ITIH6: variants seen among roughly 807,000 people sequenced by gnomAD.
The protein encoded by ITIH6 is inter-alpha-trypsin inhibitor heavy chain family member 6.
In ITIH6, 60 loss-of-function variants were observed where a neutral mutation model predicts 58.2. The ratio of observed to expected loss-of-function variants is 1.03; its 90% CI spans 0.84 to 1.28. ITIH6 has a LOEUF of 1.28. ITIH6 is among the 50% of genes most tolerant of loss of function. The probability of loss-of-function intolerance (pLI) is 0.00; values close to 1 mark genes in which losing one functional copy is unlikely to be tolerated. For synonymous variants in ITIH6, 493 were observed against 417.4 expected (o/e 1.18, Z -2.21); for missense variants, 1,290 against 1,021.1 (o/e 1.26, Z -3.59).
In ITIH6 at chrX:54,758,527, A is replaced by C. The variant is rs775275071; in HGVS notation, c.1547T>G (p.Leu516Arg). 7 of 1,211,162 alleles carry C rather than the reference A, an allele frequency of 5.8e-6. No individual in the cohort carries two copies. The highest frequency in any genetic ancestry group is 7.8e-6 in the Non-Finnish European group (7 of 895,268). The part of the protein sequence containing the change: ...AGQVQPGKQE[L>R]GIHLAARGPK... ...GCCACGGGCTGCCAGGTGGATGCCC[A>C]GTTCCTGTTTGCCTGGCTGCACCTG... The change falls in exon 8 of 13, where the codon CTG (leucine) becomes CGG (arginine). Residue 516 changes from leucine to arginine, a missense_variant. Physicochemically the swap from Leu to Arg is moderately radical, Grantham distance 102. Coordinates refer to ENST00000218436, the MANE Select transcript of ITIH6 (RefSeq NM_198510.3).
At chrX:54,755,772 G>A (rs769180950) in intron 8 of ITIH6, among the ~76,000 whole-genome samples, 74 of 110,853 alleles carry the variant, frequency 6.7e-4, no homozygotes, top group Non-Finnish European at 1.1e-3. Context: ...AGAGAGTGAG[G>A]TCATAGAGGA....
At chrX:54,752,389 T>C (rs1165563923) in intron 11 of ITIH6, among the ~76,000 whole-genome samples, 1 of 111,943 alleles carries the variant, frequency 8.9e-6, no homozygotes, top group Non-Finnish European at 1.9e-5. Context: ...ATTGGCATTT[T>C]ATGAAAAGTT....
In ITIH6 at chrX:54,753,878, G is replaced by T. The variant is rs767676994; in HGVS notation, c.3238+52C>A. The T allele has an allele frequency of 2.6e-6, 3 of 1,170,180 alleles. No individual in the cohort carries two copies. The South Asian group carries it at 5.4e-5, about 21-fold the overall frequency. On this transcript the variant is annotated intron_variant, in intron 10 of 12. Transcript: ENST00000218436. ...CTATTTCCCCAGCCCCAGTCCCAGT[G>T]CACAAGCTGCCCTGTACTCAAACAG...
chrX:54,780,481 T>C (rs779722191), intron 5 of ITIH6, among the ~76,000 whole-genome samples: 3 of 112,125 alleles, frequency 2.7e-5, no homozygotes, highest in Non-Finnish European at 5.6e-5. Flanking sequence ...GATGACAATG[T>C]AAAGACAACA....
Position 54,797,044 on chromosome X carries a change from T to A in ITIH6, c.155A>T (p.His52Leu). 4 of 1,210,196 alleles carry A rather than the reference T, an allele frequency of 3.3e-6. No individual in the cohort carries two copies. The highest frequency in any genetic ancestry group is 4.5e-6 in the Non-Finnish European group (4 of 894,314). ...AAACAGGACAGAGGTGACCAAGGTG[T>A]GGGCATAGCGAGACACCACCGTGGA... The part of the protein sequence containing the change: ...MRSTVVSRYA[H>L]TLVTSVLFNP... Residue 52 changes from histidine (H) to leucine (L), a missense_variant, in exon 2 of 13, where the codon CAC becomes CTC. By Grantham distance (99) the His-to-Leu change is moderately conservative. Coordinates refer to ENST00000218436, the MANE Select transcript of ITIH6 (RefSeq NM_198510.3).
chrX:54,757,075 A>G lies in ITIH6; in HGVS notation c.2999T>C (p.Leu1000Pro). 2.5e-6 allele frequency: 3 copies of G among 1,211,413 alleles called. No individual in the cohort carries two copies. Among genetic ancestry groups the G allele is most frequent in the Non-Finnish European group, 3.4e-6 (3 of 895,236 alleles). The change falls in exon 8 of 13, where the codon CTC becomes CCC. Residue 1000 changes from leucine to proline, a missense_variant. Physicochemically the swap from Leu to Pro is moderately conservative, Grantham distance 98 (BLOSUM62 -3). Transcript: ENST00000218436. The stretch of plus-strand genomic sequence containing the variant: ...CAGCTCTAGCTCCTCAGGGAGAAGG[A>G]GCAGACTGATGGCCTCAGGGAGGAT... ...SSILPEAISLLLLPEELELLS... is the reference protein window; with the variant it reads ...SSILPEAISLPLLPEELELLS...
At chrX:54,781,361 A>G (rs1437557883) in intron 5 of ITIH6, among the ~76,000 whole-genome samples, 1 of 112,299 alleles carries the variant, frequency 8.9e-6, no homozygotes, top group Non-Finnish European at 1.9e-5. Flanking sequence ...CAGCATCTAT[A>G]AGGAACTTAA....
intron 12 of ITIH6, 44 bp downstream of exon 12, chrX:54,750,959 G>A: frequency 1.8e-6 from 2 of 1,099,715 alleles, no homozygotes; most frequent in African/African-American, 3.7e-5. Context: ...GGTCTTTTTG[G>A]TGGCTGGTGC....
chrX:54,764,348 G>C (rs1177168203), intron 6 of ITIH6, among the ~76,000 whole-genome samples: 12 of 106,872 alleles, frequency 1.1e-4, no homozygotes, highest in African/African-American at 3.4e-4. Context: ...CATGCTGGTG[G>C]GCTGCACCCA....
At chrX:54,761,306 T>C (rs1478709200) in intron 6 of ITIH6, among the ~76,000 whole-genome samples, 3 of 112,175 alleles carry the variant, frequency 2.7e-5, no homozygotes, top group Non-Finnish European at 5.6e-5. Context: ...CTTGTAAATT[T>C]GTTTGAGTTC....
At chrX:54,775,015 A>C (rs1437406310) in intron 5 of ITIH6, among the ~76,000 whole-genome samples, 1 of 111,879 alleles carries the variant, frequency 8.9e-6, no homozygotes, top group Non-Finnish European at 1.9e-5. Context: ...CTCTCTGACC[A>C]TTAGGCTGTA....
At chrX:54,779,767 AT>A (rs764983152) in intron 5 of ITIH6, among the ~76,000 whole-genome samples, 1 of 111,147 alleles carries the variant, frequency 9.0e-6, no homozygotes, top group Non-Finnish European at 1.9e-5. Context: ...ATTAAAAAAA[AT>A]AAGACCCACT....
chrX:54,759,564 C>T (rs1042624222), intron 7 of ITIH6, among the ~76,000 whole-genome samples, 192 bp downstream of exon 7: 4 of 112,162 alleles, frequency 3.6e-5, no homozygotes, highest in African/African-American at 9.7e-5. Flanking sequence ...CATGGAGAAT[C>T]GGCTGTGCTC....
intron 5 of ITIH6, among the ~76,000 whole-genome samples, chrX:54,783,698 A>T (rs1170178198): frequency 8.9e-6 from 1 of 112,282 alleles, no homozygotes; most frequent in African/African-American, 3.2e-5. Flanking sequence ...GACACTAAAA[A>T]ATGGAAAGAT....
rs1326490563 is a variant in ITIH6 at position 54,791,033 on chromosome X, T to C, written c.420A>G (p.Thr140=). The C allele has an allele frequency of 8.3e-7, 1 of 1,211,399 alleles. No individual in the cohort carries two copies. Among genetic ancestry groups the C allele is most frequent in the East Asian group, 3.0e-5 (1 of 33,823 alleles). The change falls in exon 4 of 13, where the codon ACA becomes ACG. Residue 140 remains threonine, a synonymous_variant. Coordinates refer to ENST00000218436, the MANE Select transcript of ITIH6 (RefSeq NM_198510.3). The part of the protein sequence containing the change: ...FRISTSLAAG[T]EVTFSLAYEE... Reference sequence around the variant, plus strand: ...CATAGGCCAGGGAAAAAGTCACCTCTGTGCCTGCTGCCAGGCTGGTGGAGA... The same window carrying C: ...CATAGGCCAGGGAAAAAGTCACCTCCGTGCCTGCTGCCAGGCTGGTGGAGA...
intron 6 of ITIH6, among the ~76,000 whole-genome samples, chrX:54,768,499 C>T (rs1255469109): frequency 5.3e-5 from 5 of 94,139 alleles, no homozygotes; most frequent in African/African-American, 1.3e-4. Flanking sequence ...ATGGTCTTTA[C>T]ATTTTGGCAT....
Position 54,788,618 on chromosome X carries a change from G to T in ITIH6, c.648C>A (p.Ile216=), listed in dbSNP as rs749178155. ...TTCGGACACAGGTCTCTCCCCTCTC[G>T]ATCCTGGTGGATGGGGGTGAATCCA... The part of the protein sequence containing the change: ...SEVDSPPSTR[I]ERGETCVRIT... Residue 216 remains isoleucine, a synonymous_variant, in exon 5 of 13, where the codon ATC becomes ATA. Coordinates refer to ENST00000218436, the MANE Select transcript of ITIH6 (RefSeq NM_198510.3). 2 of 1,207,634 alleles carry T rather than the reference G, an allele frequency of 1.7e-6. No homozygotes were observed.
chrX:54,766,831 G>C (rs1197471762), intron 6 of ITIH6, among the ~76,000 whole-genome samples: 4 of 103,103 alleles, frequency 3.9e-5, no homozygotes, highest in Non-Finnish European at 7.7e-5. Flanking sequence ...GTTCATCAAG[G>C]ATATTGGTCT....
chrX:54,760,074 C>A, intron 6 of ITIH6, 147 bp from the exon 7 acceptor site: 1 of 480,066 alleles, frequency 2.1e-6, no homozygotes, highest in Non-Finnish European at 3.4e-6. Flanking sequence ...CTAGGATTCT[C>A]AGGTGAAAAG....
Sources: gnomAD v4.1 joint callset for allele counts (sites outside exome capture counted in the v4.1 genomes callset) on GRCh38, gnomAD v4.1.1 for gene constraint, MANE v1.5 for transcripts, NCBI Gene and HGNC (gene_info 2026-07-23, HGNC 2026-07-21) for gene names.